Variants in MAST4 observed in about 807,000 individuals in gnomAD.
The protein encoded by MAST4 is microtubule-associated serine/threonine-protein kinase 4.
MAST4 carries 89 observed loss-of-function variants against 162.7 expected under a neutral mutation model. The ratio of observed to expected loss-of-function variants is 0.55; its 90% confidence interval spans 0.46 to 0.65. The LOEUF is 0.65. Ranked by LOEUF, MAST4 falls within the 30% of genes least tolerant of loss-of-function variation. The pLI, the probability that MAST4 is intolerant of heterozygous loss-of-function variation, is 0.00. For missense variants in MAST4, 3,153 were observed against 3,374.0 expected, an observed-to-expected ratio of 0.93 and a Z score of 1.62; for synonymous variants, 1,479 against 1,361.1, an observed-to-expected ratio of 1.09 and a Z score of -1.91.
At chr5:66,799,295 C>G (rs1755802746) in intron 3 of MAST4, among the ~76,000 whole-genome samples, 1 of 152,134 alleles carries the variant, frequency 6.6e-6, no homozygotes, top group Non-Finnish European at 1.5e-5. Flanking sequence ...CCTCTTTACC[C>G]ACCCTCACCC....
chr5:66,637,668 T>C (rs1745211489), intron 1 of MAST4, among the ~76,000 whole-genome samples: 1 of 152,180 alleles, frequency 6.6e-6, no homozygotes, highest in Non-Finnish European at 1.5e-5. Context: ...TAAAACTTTC[T>C]TCTGTTACAG....
intron 5 of MAST4, among the ~76,000 whole-genome samples, chr5:67,069,920 T>TGTGTGTG (rs1239500898): frequency 3.5e-5 from 2 of 57,312 alleles, no homozygotes; most frequent in African/African-American, 6.1e-5. Context: ...GTGTGTGTGT[T>TGTGTGTG]CCTCAGCAAA....
At chr5:67,138,620 G>T (rs1769977699) in intron 19 of MAST4, among the ~76,000 whole-genome samples, 1 of 152,148 alleles carries the variant, frequency 6.6e-6, no homozygotes, top group African/African-American at 2.4e-5. Flanking sequence ...TTTTAGTAGA[G>T]ATGGGATTTT....
chr5:66,825,580 C>A (rs1757212318), intron 3 of MAST4, among the ~76,000 whole-genome samples: 1 of 152,138 alleles, frequency 6.6e-6, no homozygotes, highest in Non-Finnish European at 1.5e-5. Context: ...CAAACGTTTT[C>A]TTTCCCCCTT....
chr5:66,972,912 A>G (rs1228114622), intron 4 of MAST4, among the ~76,000 whole-genome samples: 1 of 152,098 alleles, frequency 6.6e-6, no homozygotes, highest in Non-Finnish European at 1.5e-5. Flanking sequence ...GTCAGGGCTG[A>G]TTATTCCCTG....
At chr5:67,088,419 T>C (rs1425583313) in intron 5 of MAST4, among the ~76,000 whole-genome samples, 3 of 152,222 alleles carry the variant, frequency 2.0e-5, no homozygotes, top group African/African-American at 7.2e-5. Flanking sequence ...GTGAGCAAAT[T>C]GAACACTTTT....
chr5:66,619,824 C>CT (rs1184886030), intron 1 of MAST4, among the ~76,000 whole-genome samples: 1 of 151,436 alleles, frequency 6.6e-6, no homozygotes, highest in Non-Finnish European at 1.5e-5. Flanking sequence ...TCAAGGTCAC[C>CT]TTTTTTGTTG....
At chr5:66,612,598 T>A (rs4700139) in intron 1 of MAST4, among the ~76,000 whole-genome samples, 93,941 of 152,018 alleles carry the variant, frequency 0.62, 29,483 homozygotes, top group East Asian at 0.7. Context: ...TAGTTGGGTT[T>A]GGAGACAGAG....
intron 4 of MAST4, among the ~76,000 whole-genome samples, chr5:67,015,568 A>G (rs1390421709): frequency 6.6e-6 from 1 of 152,210 alleles, no homozygotes; most frequent in African/African-American, 2.4e-5. Flanking sequence ...GTCTAGTCCT[A>G]GACTGAATTT....
At chr5:66,673,523 G>GTTTTTTTTTTTTTTTTTTTT (rs1208217801) in intron 1 of MAST4, among the ~76,000 whole-genome samples, 18 of 131,310 alleles carry the variant, frequency 1.4e-4, no homozygotes, top group South Asian at 1.3e-3. Flanking sequence ...TTTGTTTTTT[G>GTTTTTTTTTTTTTTTTTTTT]TTTTTTGTTT....
At chr5:66,989,845 C>A (rs1703250) in intron 4 of MAST4, among the ~76,000 whole-genome samples, 71,607 of 151,962 alleles carry the variant, frequency 0.47, 18,677 homozygotes, top group East Asian at 0.64. Context: ...TCATCTCATT[C>A]TTTAAATTTT....
intron 4 of MAST4, among the ~76,000 whole-genome samples, chr5:66,950,867 C>G (rs1337902045): frequency 2.6e-5 from 4 of 152,172 alleles, no homozygotes. Flanking sequence ...ATACCATTTT[C>G]TGCATCGGCT....
rs569836886 is a variant in MAST4, at chr5:66,888,024, T to C, written c.643-11927T>C. 1.1e-3 allele frequency among the ~76,000 whole-genome samples: 166 copies of C among 151,796 alleles called. 3 individuals carry two copies. In the South Asian group the frequency reaches 0.029, roughly 26 times the overall value. On this transcript the variant is annotated intron_variant, in intron 3 of 28. Transcript: ENST00000403625. ...GAGATCGAGACCATCCTGGCTAACATGGTGAAACCCCGTCTCTACTAAAAA... is the reference window on the plus strand; with the variant it reads ...GAGATCGAGACCATCCTGGCTAACACGGTGAAACCCCGTCTCTACTAAAAA...
At position 67,169,373 on chromosome 5, in the gene MAST4, C is replaced by T. The variant is rs1774368932; in HGVS notation, c.*2322C>T. 1 of 152,088 alleles carries T rather than the reference C, an allele frequency of 6.6e-6. No individual in the cohort carries two copies. The highest frequency in any genetic ancestry group is 2.4e-5 in the African/African-American group (1 of 41,386). 9.4% of individuals were successfully genotyped at this position (152,088 alleles called of 1,614,324 possible). ...TGGTAGAAATTCTCCTCATTGTGTT[C>T]TATTTGGTCAGTCTCTGTGTGATTG... On this transcript the variant is annotated 3_prime_UTR_variant, in exon 29 of 29. Coordinates refer to ENST00000403625, the MANE Select transcript of MAST4 (RefSeq NM_001164664.2).
intron 4 of MAST4, among the ~76,000 whole-genome samples, chr5:66,997,885 A>G (rs1392878178): frequency 6.6e-6 from 1 of 152,222 alleles, no homozygotes; most frequent in Non-Finnish European, 1.5e-5. Context: ...AAATAACTTC[A>G]TGTCCTCCCT....
chr5:66,849,987 A>G (rs1053943034), intron 3 of MAST4, among the ~76,000 whole-genome samples: 3 of 152,188 alleles, frequency 2.0e-5, no homozygotes, highest in Non-Finnish European at 2.9e-5. Flanking sequence ...GCAATTATTT[A>G]TAGTGGTTAC....
chr5:67,075,037 A>G (rs1402463398), intron 5 of MAST4, among the ~76,000 whole-genome samples: 1 of 152,018 alleles, frequency 6.6e-6, no homozygotes, highest in Non-Finnish European at 1.5e-5. Context: ...CCCTCAGTCT[A>G]ATTTGTCCTT....
intron 3 of MAST4, chr5:66,828,658 A>C (rs1580556518): frequency 1.4e-6 from 1 of 736,142 alleles, no homozygotes; most frequent in Non-Finnish European, 2.2e-6. Context: ...CCGAACTGCA[A>C]GCATCCGTGA....
At chr5:66,924,562 C>T (rs1764756084) in intron 4 of MAST4, among the ~76,000 whole-genome samples, 2 of 151,968 alleles carry the variant, frequency 1.3e-5, no homozygotes, top group South Asian at 2.1e-4. Flanking sequence ...TCCACCACCG[C>T]GCCCGGCTAA....
Sources: gnomAD v4.1 joint callset for allele counts (sites outside exome capture counted in the v4.1 genomes callset) on GRCh38, gnomAD v4.1.1 for gene constraint, MANE v1.5 for transcripts, NCBI Gene and HGNC (gene_info 2026-07-23, HGNC 2026-07-21) for gene names.